Variants in ATP5MJ observed in about 807,000 individuals in gnomAD.
ATP5MJ encodes the protein ATP synthase membrane subunit j, also known as ATP synthase F(0) complex subunit j, mitochondrial.
A neutral mutation model predicts 8.3 loss-of-function variants in ATP5MJ; 4 were observed. The ratio of observed to expected loss-of-function variants is 0.48; its 90% CI spans 0.24 to 1.11. The LOEUF (loss-of-function observed/expected upper bound fraction) is 1.11, where lower values mean the gene tolerates loss of function less well. Among genes scored for constraint, ATP5MJ ranks in the 50% least tolerant of loss-of-function variants. ATP5MJ has a pLI of 0.18. For synonymous variants in ATP5MJ, 23 were observed against 21.3 expected, an observed-to-expected ratio of 1.08 and a Z score of -0.23; for missense variants, 66 against 71.8, an observed-to-expected ratio of 0.92 and a Z score of 0.29.
At chr14:103,918,430 G>A (rs1194155944) in intron 1 of ATP5MJ, among the ~76,000 whole-genome samples, 1 of 151,814 alleles carries the variant, frequency 6.6e-6, no homozygotes, top group Non-Finnish European at 1.5e-5. Context: ...GGCGGATCTC[G>A]GCTCATTGCA....
At chr14:103,913,594 G>A (rs528898882) in intron 3 of ATP5MJ, 17 of 360,400 alleles carry the variant, frequency 4.7e-5, no homozygotes, top group Non-Finnish European at 8.4e-5. Context: ...CTGGGCGACA[G>A]AGCGAGGCTC....
At chr14:103,921,382 C>G (rs754167868) in intron 1 of ATP5MJ, 88 bp downstream of exon 1, 1 of 266,856 alleles carries the variant, frequency 3.7e-6, no homozygotes, top group Non-Finnish European at 7.5e-6. Flanking sequence ...GGTGGAACCC[C>G]AAGATCAGCT....
intron 2 of ATP5MJ, chr14:103,914,837 C>CAAAAAAAAAAA (rs35916279): frequency 2.2e-4 from 42 of 191,020 alleles, no homozygotes; most frequent in East Asian, 3.6e-4. Flanking sequence ...AGACTGTCTC[C>CAAAAAAAAAAA]AAAAAAAAAA....
chr14:103,913,728 TC>T (rs1220117751), intron 3 of ATP5MJ: 52 of 584,986 alleles, frequency 8.9e-5, no homozygotes, highest in Non-Finnish European at 1.1e-4. Flanking sequence ...ATTAATCCAT[TC>T]CTCTATTACT....
At chr14:103,920,855 T>C (rs996171890) in intron 1 of ATP5MJ, 6 of 965,908 alleles carry the variant, frequency 6.2e-6, no homozygotes, top group Non-Finnish European at 9.8e-6. Flanking sequence ...TAAAAATCCA[T>C]CTTATTCATA....
At chr14:103,919,891 A>G (rs1436383016) in intron 1 of ATP5MJ, among the ~76,000 whole-genome samples, 1 of 151,302 alleles carries the variant, frequency 6.6e-6, no homozygotes, top group Non-Finnish European at 1.5e-5. Context: ...CAATGGTGCG[A>G]TCGCGGCTCA....
Position 103,912,552 on chromosome 14 carries a change from A to G in ATP5MJ, c.*114T>C. ...GATCCATTTATTCATGCCATGAAGT[A>G]AACGGTACTTATACAAGTGTACAGT... On this transcript the variant is annotated 3_prime_UTR_variant, in exon 4 of 4. Transcript: ENST00000286953. 9.2e-7 allele frequency: 1 copy of G among 1,085,190 alleles called. No homozygotes were observed. Among genetic ancestry groups the G allele is most frequent in the Non-Finnish European group, 1.4e-6 (1 of 717,930 alleles). The allele number at this position is 1,085,190 out of a possible 1,614,324, so 67.2% of individuals were successfully genotyped here.
rs1595879804 is a variant in ATP5MJ at position 103,920,933 on chromosome 14, C to G, written c.-1+537G>C. ...TTTGGCACATTACATTAAGGGCGAA[C>G]TATTACCTGACACTGGAAATGGGAA... On this transcript the variant is annotated intron_variant, in intron 1 of 3. Coordinates refer to ENST00000286953, the MANE Select transcript of ATP5MJ (RefSeq NM_004894.3). 4.5e-6 allele frequency: 7 copies of G among 1,547,672 alleles called. 1 individual carries two copies. The East Asian group carries it at 1.7e-4, about 38-fold the overall frequency.
Position 103,912,346 on chromosome 14 carries a change from C to T in ATP5MJ, c.*320G>A, listed in dbSNP as rs541131443. The T allele has an allele frequency of 3.7e-4, 120 of 324,800 alleles. No individual in the cohort carries two copies. The Middle Eastern group carries it at 6.0e-3, about 16-fold the overall frequency. The allele number at this position is 324,800 out of a possible 1,614,324, so 20.1% of individuals were successfully genotyped here. A position where few individuals can be genotyped will look rare whatever the true frequency, so the allele number is the denominator to read the frequency against. ...TGAGCAGTAGAATACAAGTGAGTGC[C>T]TGGATCCTGATCACCAAGTCCTGTA... On this transcript the variant is annotated 3_prime_UTR_variant, in exon 4 of 4. Transcript: ENST00000286953.
chr14:103,916,118 C>G (rs983362740), intron 1 of ATP5MJ, among the ~76,000 whole-genome samples: 2 of 152,178 alleles, frequency 1.3e-5, no homozygotes, highest in African/African-American at 4.8e-5. Context: ...AAATACAAAA[C>G]AGATGACATA....
rs1291910506 is a variant in ATP5MJ, at chr14:103,915,092, A to G, written c.98T>C (p.Phe33Ser). 1 of 1,614,116 alleles carries G rather than the reference A, an allele frequency of 6.2e-7. No individual in the cohort carries two copies. The change falls in exon 2 of 4, where the codon TTC becomes TCC. Residue 33 changes from phenylalanine (F) to serine (S), a missense_variant. Physicochemically the swap from Phe to Ser is radical, Grantham distance 155. Coordinates refer to ENST00000286953, the MANE Select transcript of ATP5MJ (RefSeq NM_004894.3). ...EIWIGMGLMG[F>S]IVYKIRAADK... Reference sequence around the variant, plus strand: ...AGCAGCCCGGATTTTATAAACGATGAAGCCCATCAGCCCCATTCCTATCCA... The same window carrying G: ...AGCAGCCCGGATTTTATAAACGATGGAGCCCATCAGCCCCATTCCTATCCA...
At chr14:103,916,814 C>T (rs2087629372) in intron 1 of ATP5MJ, among the ~76,000 whole-genome samples, 1 of 152,142 alleles carries the variant, frequency 6.6e-6, no homozygotes, top group African/African-American at 2.4e-5. Context: ...CTCCCTCCAC[C>T]CACTCACTGC....
intron 1 of ATP5MJ, among the ~76,000 whole-genome samples, chr14:103,918,373 CT>C (rs2087642386): frequency 6.6e-6 from 1 of 150,482 alleles, no homozygotes; most frequent in South Asian, 2.1e-4. Flanking sequence ...TTTTTTTTCT[CT>C]TTTTTGAGAC....
chr14:103,919,207 A>ACC, intron 1 of ATP5MJ, among the ~76,000 whole-genome samples: 1 of 150,030 alleles, frequency 6.7e-6, no homozygotes, highest in Non-Finnish European at 1.5e-5. Flanking sequence ...ACATGGCGAA[A>ACC]CCATCTCTAC....
intron 1 of ATP5MJ, among the ~76,000 whole-genome samples, chr14:103,919,306 G>A (rs1226595285): frequency 5.3e-5 from 8 of 151,196 alleles, no homozygotes; most frequent in Non-Finnish European, 1.0e-4. Flanking sequence ...GCTTGAACCC[G>A]GGAGGCGGAG....
At chr14:103,921,326 A>T in intron 1 of ATP5MJ, 144 bp downstream of exon 1, 1 of 287,754 alleles carries the variant, frequency 3.5e-6, no homozygotes. Context: ...ACCTCCCTTC[A>T]GAGAAGGGAA....
At chr14:103,919,157 C>A (rs1027304898) in intron 1 of ATP5MJ, among the ~76,000 whole-genome samples, 2 of 151,768 alleles carry the variant, frequency 1.3e-5, no homozygotes, top group Admixed American at 6.6e-5. Flanking sequence ...CCAAGGTGGG[C>A]GGATCACTTA....
chr14:103,921,108 C>G, intron 1 of ATP5MJ: 2 of 1,375,624 alleles, frequency 1.5e-6, no homozygotes, highest in Middle Eastern at 1.8e-4. Context: ...AGAGAAGGGA[C>G]TGGATGTGGA....
Position 103,912,936 on chromosome 14 carries a change from T to A in ATP5MJ, c.149-242A>T, listed in dbSNP as rs577849587. 1,053 of 529,822 alleles carry A rather than the reference T, an allele frequency of 2.0e-3. 2 individuals carry two copies. The highest frequency in any genetic ancestry group is 2.9e-3 in the Non-Finnish European group (859 of 296,330). 32.8% of individuals were successfully genotyped at this position (529,822 alleles called of 1,614,324 possible). A position where few individuals can be genotyped will look rare whatever the true frequency, so the allele number is the denominator to read the frequency against. ...GCAAAGAGAGAGGCAGGGAAACACC[T>A]CCTCCTCAAACTCATGTAGCCAGTC... On this transcript the variant is annotated intron_variant, in intron 3 of 3. Transcript: ENST00000286953.
Sources: gnomAD v4.1 joint callset for allele counts (sites outside exome capture counted in the v4.1 genomes callset) on GRCh38, gnomAD v4.1.1 for gene constraint, MANE v1.5 for transcripts, NCBI Gene and HGNC (gene_info 2026-07-23, HGNC 2026-07-21) for gene names.